Variants in RAPGEF4 observed in about 807,000 individuals in gnomAD.
The protein encoded by RAPGEF4 is Rap guanine nucleotide exchange factor 4, also known as RAP guanine-nucleotide-exchange factor (GEF) 4.
RAPGEF4 carries 66 observed loss-of-function variants against 147.9 expected under a neutral mutation model. The ratio of observed to expected loss-of-function variants is 0.45; its 90% CI spans 0.37 to 0.55. The LOEUF (loss-of-function observed/expected upper bound fraction) is 0.55. RAPGEF4 is among the 20% of genes least tolerant of loss of function. The pLI is 0.00. For synonymous variants in RAPGEF4, 419 were observed against 442.7 expected, an observed-to-expected ratio of 0.95 and a Z score of 0.67; for missense variants, 1,071 against 1,257.3, an observed-to-expected ratio of 0.85 and a Z score of 2.24.
chr2:172,903,041 G>A (rs1378752958), intron 4 of RAPGEF4, among the ~76,000 whole-genome samples: 1 of 152,112 alleles, frequency 6.6e-6, no homozygotes, highest in Non-Finnish European at 1.5e-5. Flanking sequence ...ACATGTGTGG[G>A]CAGAAAAGCT....
At chr2:173,017,318 A>T (rs1695596528) in intron 20 of RAPGEF4, 108 bp from the exon 21 acceptor site, 1 of 1,477,010 alleles carries the variant, frequency 6.8e-7, no homozygotes, top group Non-Finnish European at 9.4e-7. Flanking sequence ...CGTGAAATAT[A>T]TTGTCTTCAT....
chr2:172,865,560 G>A (rs559174329), intron 4 of RAPGEF4, among the ~76,000 whole-genome samples: 34 of 152,172 alleles, frequency 2.2e-4, no homozygotes, highest in African/African-American at 4.1e-4. Flanking sequence ...CCAAAGTCTG[G>A]CTCCTCCTGG....
chr2:172,937,104 C>T (rs1186571074), intron 6 of RAPGEF4, among the ~76,000 whole-genome samples: 1 of 149,784 alleles, frequency 6.7e-6, no homozygotes, highest in Admixed American at 6.7e-5. Flanking sequence ...GCTTGCAGTC[C>T]TACCTACTTG....
intron 10 of RAPGEF4, 68 bp downstream of exon 10, chr2:172,967,512 G>A (rs1339433298): frequency 2.3e-5 from 34 of 1,491,068 alleles, no homozygotes; most frequent in Non-Finnish European, 2.7e-5. Context: ...ATACCATGAG[G>A]AGAGACACAA....
intron 18 of RAPGEF4, among the ~76,000 whole-genome samples, chr2:173,015,432 A>G (rs1229017515): frequency 3.3e-5 from 5 of 152,238 alleles, no homozygotes; most frequent in Admixed American, 3.3e-4. Flanking sequence ...TCTGTGTTCT[A>G]AAATTATAAA....
chr2:172,988,065 T>G, intron 12 of RAPGEF4, 131 bp from the exon 13 acceptor site: 3 of 1,330,308 alleles, frequency 2.3e-6, no homozygotes, highest in Non-Finnish European at 2.9e-6. Flanking sequence ...AAGTTAATAT[T>G]TGCCAGTGAT....
At chr2:172,809,190 C>T (rs1206266207) in intron 3 of RAPGEF4, among the ~76,000 whole-genome samples, 1 of 152,034 alleles carries the variant, frequency 6.6e-6, no homozygotes, top group Non-Finnish European at 1.5e-5. Context: ...TGACACAGCC[C>T]CCAGGTTAGT....
At chr2:172,754,808 C>A (rs1559024093) in intron 1 of RAPGEF4, among the ~76,000 whole-genome samples, 1 of 152,052 alleles carries the variant, frequency 6.6e-6, no homozygotes, top group Non-Finnish European at 1.5e-5. Context: ...TTTGGGAGGC[C>A]GAGGCGGGCG....
intron 6 of RAPGEF4, among the ~76,000 whole-genome samples, chr2:172,951,279 C>T (rs1469867853): frequency 6.6e-6 from 1 of 152,232 alleles, no homozygotes; most frequent in African/African-American, 2.4e-5. Flanking sequence ...AACATCCCTT[C>T]ATATACCTGA....
At chr2:173,049,121 G>A (rs1258295699) in intron 30 of RAPGEF4, among the ~76,000 whole-genome samples, 4 of 152,134 alleles carry the variant, frequency 2.6e-5, no homozygotes, top group South Asian at 2.1e-4. Context: ...TAGCACATTC[G>A]TAAAAGGTCC....
intron 4 of RAPGEF4, among the ~76,000 whole-genome samples, chr2:172,840,110 C>A (rs17756942): frequency 0.016 from 2,450 of 152,238 alleles, 23 homozygotes; most frequent in South Asian, 0.034. Flanking sequence ...GAGCATGTGA[C>A]GAATTATGGT....
At chr2:172,994,722 A>C (rs1230045884) in intron 15 of RAPGEF4, among the ~76,000 whole-genome samples, 1 of 152,220 alleles carries the variant, frequency 6.6e-6, no homozygotes, top group African/African-American at 2.4e-5. Flanking sequence ...AATATTCTCT[A>C]TTTCAATATC....
At chr2:172,863,239 A>G (rs1402636429) in intron 4 of RAPGEF4, among the ~76,000 whole-genome samples, 1 of 152,204 alleles carries the variant, frequency 6.6e-6, no homozygotes, top group Non-Finnish European at 1.5e-5. Context: ...AGGGACTTAT[A>G]AACTAAGAAA....
At chr2:172,999,714 A>G (rs1250147303) in intron 16 of RAPGEF4, among the ~76,000 whole-genome samples, 1 of 152,242 alleles carries the variant, frequency 6.6e-6, no homozygotes, top group Admixed American at 6.5e-5. Flanking sequence ...CAAAGTCTGA[A>G]TCAGTGACTA....
chr2:172,938,784 A>G (rs1281002943), intron 6 of RAPGEF4, among the ~76,000 whole-genome samples: 1 of 152,224 alleles, frequency 6.6e-6, no homozygotes, highest in African/African-American at 2.4e-5. Flanking sequence ...ACAGTACAGT[A>G]TCATACAGAA....
At chr2:172,953,959 C>T (rs1440891420) in intron 6 of RAPGEF4, among the ~76,000 whole-genome samples, 1 of 152,182 alleles carries the variant, frequency 6.6e-6, no homozygotes, top group East Asian at 1.9e-4. Context: ...TGAGATAAGA[C>T]ACTCCTAAAG....
intron 1 of RAPGEF4, among the ~76,000 whole-genome samples, chr2:172,774,921 T>C (rs1256637135): frequency 6.6e-6 from 1 of 152,226 alleles, no homozygotes; most frequent in East Asian, 1.9e-4. Flanking sequence ...GCTGTTTATC[T>C]CTGCTTTGGT....
chr2:172,823,072 G>A (rs190285038), intron 4 of RAPGEF4, among the ~76,000 whole-genome samples: 16 of 152,282 alleles, frequency 1.1e-4, no homozygotes, highest in South Asian at 2.1e-4. Context: ...AAGATCCAGC[G>A]TGCTAAAGGA....
intron 1 of RAPGEF4, among the ~76,000 whole-genome samples, chr2:172,780,683 C>G (rs910132409): frequency 2.0e-5 from 3 of 152,010 alleles, no homozygotes; most frequent in Non-Finnish European, 4.4e-5. Flanking sequence ...ATTGATAGCG[C>G]TATCTCATTT....
Sources: allele counts gnomAD v4.1 joint callset (sites outside exome capture counted in the v4.1 genomes callset), GRCh38; gene constraint gnomAD v4.1.1; transcripts MANE v1.5; gene names NCBI Gene and HGNC (gene_info 2026-07-23, HGNC 2026-07-21).